The following ZW10 variants were observed in gnomAD, a reference collection of about 807,000 sequenced individuals.
ZW10 encodes centromere/kinetochore protein zw10 homolog.
In ZW10, 53 loss-of-function variants were observed where a neutral mutation model predicts 87.8. The observed-to-expected ratio is 0.60, with a 90% CI of 0.48 to 0.76. The LOEUF is 0.76. Ranked by LOEUF, ZW10 falls within the 30% of genes least tolerant of loss-of-function variation. ZW10 has a pLI of 0.00. For synonymous variants in ZW10, 312 were observed against 329.2 expected (o/e 0.95, Z 0.57); for missense variants, 837 against 923.0 (o/e 0.91, Z 1.21).
chr11:113,738,036 T>C (rs1259517972), intron 13 of ZW10, among the ~76,000 whole-genome samples: 1 of 151,826 alleles, frequency 6.6e-6, no homozygotes, highest in Non-Finnish European at 1.5e-5. Flanking sequence ...AGGTAACAAG[T>C]TGCAATTATT....
At chr11:113,739,080 A>G in intron 12 of ZW10, 133 bp downstream of exon 12, 1 of 931,030 alleles carries the variant, frequency 1.1e-6, no homozygotes, top group Non-Finnish European at 1.6e-6. Flanking sequence ...TTGCAAATTA[A>G]ATGCCCTCCC....
chr11:113,738,829 G>T (rs756653417), intron 12 of ZW10, among the ~76,000 whole-genome samples: 68 of 152,256 alleles, frequency 4.5e-4, no homozygotes, highest in Non-Finnish European at 4.6e-4. Context: ...GATGTAAGAT[G>T]GGGGAGCTGT....
intron 12 of ZW10, 126 bp from the exon 13 acceptor site, chr11:113,738,520 T>C: frequency 1.1e-6 from 1 of 900,384 alleles, no homozygotes; most frequent in Non-Finnish European, 1.6e-6. Flanking sequence ...TGCTAGATAA[T>C]ATCATAAAGC....
rs1953809494 is a variant in ZW10 at position 113,757,872 on chromosome 11, A to G, written c.734-19T>C. 1.9e-6 allele frequency: 3 copies of G among 1,566,224 alleles called. No homozygotes were observed. Among genetic ancestry groups the G allele is most frequent in the Non-Finnish European group, 2.6e-6 (3 of 1,152,064 alleles). ...ATCTGACCTGAAAAATCATATGAAC[A>G]TTCATCAAAAAATCACCATAAGACA... On this transcript the variant is annotated intron_variant, in intron 6 of 15. Coordinates refer to ENST00000200135, the MANE Select transcript of ZW10 (RefSeq NM_004724.4).
At chr11:113,772,046 A>AT (rs555360085) in intron 1 of ZW10, among the ~76,000 whole-genome samples, 25 of 151,892 alleles carry the variant, frequency 1.6e-4, no homozygotes, top group Admixed American at 3.3e-4. Context: ...GAAGATAAAG[A>AT]TTTTTTTTTA....
rs1446332274 is a variant in ZW10, at chr11:113,739,385, A to G, written c.1584-3T>C. 4.4e-6 allele frequency: 7 copies of G among 1,584,724 alleles called. No individual in the cohort carries two copies. In the African/African-American group the frequency reaches 5.4e-5, roughly 12 times the overall value. ...GGGGAAGTTTTTGAAGGTTCTCCCT[A>G]GGCCAGAAGGAGGGGTAGAAAAACA... On this transcript the variant is annotated splice_polypyrimidine_tract_variant and splice_region_variant and intron_variant, in intron 11 of 15. Coordinates refer to ENST00000200135, the MANE Select transcript of ZW10 (RefSeq NM_004724.4).
chr11:113,739,722 C>T lies in ZW10; in HGVS notation c.1584-340G>A, dbSNP rs114603672. On this transcript the variant is annotated intron_variant, in intron 11 of 15. Coordinates refer to ENST00000200135, the MANE Select transcript of ZW10 (RefSeq NM_004724.4). Reference sequence around the variant, plus strand: ...TTACACGGATACATCTATGGAAATACAGGTTTACTTCACCTTTCTCCAAAT... The same window carrying T: ...TTACACGGATACATCTATGGAAATATAGGTTTACTTCACCTTTCTCCAAAT... Among the ~76,000 whole-genome samples, 985 of 152,284 alleles carry T rather than the reference C, an allele frequency of 6.5e-3. 10 individuals are homozygous for T. Among genetic ancestry groups the T allele is most frequent in the African/African-American group, 0.022 (917 of 41,564 alleles).
chr11:113,773,639 C>A lies in ZW10; in HGVS notation c.28G>T (p.Ala10Ser). 1 of 1,613,804 alleles carries A rather than the reference C, an allele frequency of 6.2e-7. No homozygotes were observed. Among genetic ancestry groups the A allele is most frequent in the Non-Finnish European group, 8.5e-7 (1 of 1,179,838 alleles). Reference sequence around the variant, plus strand: ...TCCTTTTCCAGCCTCCCGGAGTGTGCCAAAACTTCTGTCACGAACGAGGCC... The same window carrying A: ...TCCTTTTCCAGCCTCCCGGAGTGTGACAAAACTTCTGTCACGAACGAGGCC... MASFVTEVL[A>S]HSGRLEKEDL... is the part of the protein sequence containing the mutation. Residue 10 changes from alanine to serine, a missense_variant, in exon 1 of 16, where the codon GCA becomes TCA. Physicochemically the swap from Ala to Ser is moderately conservative, Grantham distance 99. Coordinates refer to ENST00000200135, the MANE Select transcript of ZW10 (RefSeq NM_004724.4).
intron 9 of ZW10, among the ~76,000 whole-genome samples, chr11:113,745,079 C>A (rs1347099587): frequency 6.8e-6 from 1 of 147,732 alleles, no homozygotes; most frequent in Non-Finnish European, 1.5e-5. Flanking sequence ...TTCAAACTAG[C>A]ATATCCTCCC....
chr11:113,765,805 C>G (rs1433402834), intron 2 of ZW10, among the ~76,000 whole-genome samples: 1 of 152,150 alleles, frequency 6.6e-6, no homozygotes, highest in Non-Finnish European at 1.5e-5. Flanking sequence ...TCTGGGCTAT[C>G]TTTTCAAGAA....
At chr11:113,734,846 T>C (rs1340366263) in intron 15 of ZW10, among the ~76,000 whole-genome samples, 1 of 151,702 alleles carries the variant, frequency 6.6e-6, no homozygotes, top group South Asian at 2.1e-4. Flanking sequence ...AATAATAATA[T>C]TGAACAAAAG....
chr11:113,757,128 T>C (rs1002816251), intron 7 of ZW10, among the ~76,000 whole-genome samples: 43 of 149,524 alleles, frequency 2.9e-4, no homozygotes, highest in African/African-American at 1.0e-3. Context: ...AAAAGCAGTA[T>C]TAAAACACAA....
intron 7 of ZW10, 77 bp from the exon 8 acceptor site, chr11:113,748,497 C>A: frequency 7.6e-7 from 1 of 1,319,014 alleles, no homozygotes; most frequent in Non-Finnish European, 1.0e-6. Flanking sequence ...TTCTAGAATT[C>A]TTTAATTTTA....
chr11:113,751,280 G>T (rs938440883), intron 7 of ZW10: 7 of 286,692 alleles, frequency 2.4e-5, no homozygotes, highest in Non-Finnish European at 3.7e-5. Context: ...AGCTGCTGGT[G>T]ACCTATCTTG....
At chr11:113,735,399 C>A (rs1953540797) in intron 15 of ZW10, among the ~76,000 whole-genome samples, 1 of 150,564 alleles carries the variant, frequency 6.6e-6, no homozygotes, top group African/African-American at 2.4e-5. Context: ...ATGAATAAAT[C>A]TAAACTTTGT....
chr11:113,739,318 G>C lies in ZW10; in HGVS notation c.1648C>G (p.His550Asp), dbSNP rs756817719. 1.2e-5 allele frequency: 19 copies of C among 1,613,646 alleles called. No individual in the cohort carries two copies. Among genetic ancestry groups the C allele is most frequent in the Non-Finnish European group, 1.5e-5 (18 of 1,179,874 alleles). ...IHHNNCMYIA[H>D]HLLTLGHQFR... ...TGATGCCCGAGGGTCAGCAAGTGGT[G>C]AGCAATGTACATACAGTTGTTGTGA... The change falls in exon 12 of 16, where the codon CAC (histidine) becomes GAC (aspartate). Residue 550 changes from histidine (H) to aspartate (D), a missense_variant. By Grantham distance (81) the His-to-Asp change is moderately conservative. Transcript: ENST00000200135.
intron 2 of ZW10, among the ~76,000 whole-genome samples, chr11:113,761,141 C>T (rs1281295846): frequency 1.3e-5 from 2 of 152,182 alleles, no homozygotes; most frequent in African/African-American, 2.4e-5. Context: ...TTCCTCTCAA[C>T]ATAATATCCT....
chr11:113,737,787 C>A, intron 13 of ZW10, 84 bp from the exon 14 acceptor site: 1 of 1,461,470 alleles, frequency 6.8e-7, no homozygotes, highest in Non-Finnish European at 9.2e-7. Flanking sequence ...TTTGTGAGTT[C>A]ATTGGGAAAG....
chr11:113,753,620 G>C (rs896397660), intron 7 of ZW10, among the ~76,000 whole-genome samples: 1 of 152,098 alleles, frequency 6.6e-6, no homozygotes, highest in Non-Finnish European at 1.5e-5. Context: ...TGGCCAGGCT[G>C]GTCTTGAACT....
Sources: gnomAD v4.1 joint callset for allele counts (sites outside exome capture counted in the v4.1 genomes callset) on GRCh38, gnomAD v4.1.1 for gene constraint, MANE v1.5 for transcripts, NCBI Gene and HGNC (gene_info 2026-07-23, HGNC 2026-07-21) for gene names.